The following RAB3GAP1 variants were observed in gnomAD, a reference collection of about 807,000 sequenced individuals.
The protein encoded by RAB3GAP1 is rab3 GTPase-activating protein catalytic subunit.
Under a neutral mutation model 130.7 loss-of-function variants are expected in RAB3GAP1, and 86 were observed. That is an observed-to-expected ratio of 0.66 (90% confidence interval 0.55 to 0.79). The LOEUF (loss-of-function observed/expected upper bound fraction) is 0.79. Among genes scored for constraint, RAB3GAP1 ranks in the 30% least tolerant of loss-of-function variants. The pLI, the probability that RAB3GAP1 is intolerant of heterozygous loss-of-function variation, is 0.00. For synonymous variants in RAB3GAP1, 367 were observed against 401.7 expected, an observed-to-expected ratio of 0.91 and a Z score of 1.03; for missense variants, 1,029 against 1,169.4, an observed-to-expected ratio of 0.88 and a Z score of 1.75.
At chr2:135,085,599 T>G (rs1436998374) in intron 3 of RAB3GAP1, among the ~76,000 whole-genome samples, 1 of 152,158 alleles carries the variant, frequency 6.6e-6, no homozygotes, top group East Asian at 1.9e-4. Context: ...GAAAGATAAG[T>G]GGAAAGGATG....
At chr2:135,165,346 T>C (rs1692606793) in intron 23 of RAB3GAP1, among the ~76,000 whole-genome samples, 1 of 152,228 alleles carries the variant, frequency 6.6e-6, no homozygotes, top group African/African-American at 2.4e-5. Flanking sequence ...AGTTCAGGGC[T>C]CATTAATATT....
At chr2:135,130,505 G>C in intron 12 of RAB3GAP1, 47 bp from the exon 13 acceptor site, 1 of 1,481,292 alleles carries the variant, frequency 6.8e-7, no homozygotes, top group Non-Finnish European at 9.4e-7. Flanking sequence ...ACTTTCACCT[G>C]CTGAGGTTGG....
At chr2:135,167,486 GAGT>G (rs1328829025) in intron 23 of RAB3GAP1, among the ~76,000 whole-genome samples, 1 of 151,994 alleles carries the variant, frequency 6.6e-6, no homozygotes, top group Non-Finnish European at 1.5e-5. Context: ...ATGGATGCAT[GAGT>G]AGTAGTAGAT....
chr2:135,149,033 G>T (rs1558799902), intron 17 of RAB3GAP1, among the ~76,000 whole-genome samples: 2 of 152,160 alleles, frequency 1.3e-5, no homozygotes, highest in South Asian at 4.1e-4. Context: ...ATGTGAAAAT[G>T]TATGGCCCAC....
intron 19 of RAB3GAP1, among the ~76,000 whole-genome samples, chr2:135,156,316 G>A (rs574215642): frequency 6.6e-6 from 1 of 152,186 alleles, no homozygotes; most frequent in Admixed American, 6.5e-5. Flanking sequence ...ATAATTGGAG[G>A]AAATTTTCCA....
At chr2:135,067,699 ATTAT>A (rs1239081583) in intron 3 of RAB3GAP1, among the ~76,000 whole-genome samples, 1 of 152,102 alleles carries the variant, frequency 6.6e-6, no homozygotes, top group Admixed American at 6.5e-5. Context: ...ACTGTTAGTC[ATTAT>A]TTATTGTTTT....
At chr2:135,129,950 T>C in intron 11 of RAB3GAP1, 45 bp from the exon 12 acceptor site, 5 of 1,243,692 alleles carry the variant, frequency 4.0e-6, no homozygotes, top group Non-Finnish European at 5.9e-6. Flanking sequence ...ACTGATTTTT[T>C]TTTTTTTCAG....
chr2:135,052,292 C>T lies in RAB3GAP1; in HGVS notation c.-16C>T, dbSNP rs567971363. Reference sequence around the variant, plus strand: ...TCTTCCCGGCAGCCTTAGCGCCAGGCCCGGCGCTCCTCAAGATGGCTGCCG... The same window carrying T: ...TCTTCCCGGCAGCCTTAGCGCCAGGTCCGGCGCTCCTCAAGATGGCTGCCG... On this transcript the variant is annotated 5_prime_UTR_variant, in exon 1 of 24. Transcript: ENST00000264158. 3.2e-5 allele frequency: 52 copies of T among 1,613,174 alleles called. No individual in the cohort carries two copies. In the South Asian group the frequency reaches 4.6e-4, roughly 14 times the overall value.
chr2:135,057,714 A>G (rs995873899), intron 2 of RAB3GAP1, among the ~76,000 whole-genome samples: 1 of 152,150 alleles, frequency 6.6e-6, no homozygotes, highest in Non-Finnish European at 1.5e-5. Context: ...TTGTGCCCCA[A>G]ATTTGTTTTA....
intron 5 of RAB3GAP1, among the ~76,000 whole-genome samples, chr2:135,099,431 C>CTGTGTGTG (rs141856311): frequency 9.1e-5 from 13 of 142,594 alleles, no homozygotes; most frequent in East Asian, 8.1e-4. Context: ...ATTTGTATTT[C>CTGTGTGTG]TGTGTGTGTG....
chr2:135,095,050 A>G (rs1250376073), intron 5 of RAB3GAP1, among the ~76,000 whole-genome samples: 1 of 152,104 alleles, frequency 6.6e-6, no homozygotes, highest in Non-Finnish European at 1.5e-5. Context: ...CCTTTCTGCA[A>G]GCAGGCTTTT....
At chr2:135,173,428 C>CA (rs910648302), downstream of RAB3GAP1, among the ~76,000 whole-genome samples, 6 of 152,044 alleles carry the variant, frequency 3.9e-5, no homozygotes, top group African/African-American at 1.4e-4. Context: ...TAAGAAAAAA[C>CA]ATACTTCAAG....
Position 135,127,149 on chromosome 2 carries a change from A to G in RAB3GAP1, c.973+493A>G, listed in dbSNP as rs536742434. On this transcript the variant is annotated intron_variant, in intron 11 of 23. Transcript: ENST00000264158. ...CTCGGCCTCCCAAAGTGCTGAGATT[A>G]CAGGCATGAGCCACCGCGCGGCCTT... Among the ~76,000 whole-genome samples, 133 of 149,192 alleles carry G rather than the reference A, an allele frequency of 8.9e-4. 1 individual carries two copies. Among genetic ancestry groups the G allele is most frequent in the African/African-American group, 2.9e-3 (119 of 40,636 alleles).
rs564428098 is a variant in RAB3GAP1, at chr2:135,063,109, A to G, written c.150+5023A>G. Among the ~76,000 whole-genome samples, 6 of 152,312 alleles carry G rather than the reference A, an allele frequency of 3.9e-5. No individual in the cohort carries two copies. The East Asian group carries it at 7.7e-4, about 20-fold the overall frequency. On this transcript the variant is annotated intron_variant, in intron 3 of 23. Coordinates refer to ENST00000264158, the MANE Select transcript of RAB3GAP1 (RefSeq NM_012233.3). The stretch of plus-strand genomic sequence containing the variant: ...AATGTGAAGTGGGGGGAAATGTTCA[A>G]TGCTTCAAAACTTAAGTTAACTGTA...
chr2:135,118,516 G>A (rs1317281571), intron 7 of RAB3GAP1, among the ~76,000 whole-genome samples: 2 of 151,818 alleles, frequency 1.3e-5, no homozygotes, highest in African/African-American at 4.8e-5. Context: ...TACATTTTAT[G>A]GTATTATATC....
Position 135,105,734 on chromosome 2 carries a change from T to G in RAB3GAP1, c.363-7417T>G, listed in dbSNP as rs541398555. Among the ~76,000 whole-genome samples the G allele has an allele frequency of 6.1e-5, 9 of 146,950 alleles. No homozygotes were observed. In the South Asian group the frequency reaches 2.0e-3, roughly 33 times the overall value. ...GGAGCCCCTCTGCCTGGCTGCCCAG[T>G]CTGGGAAGTGAGGAGCGCCTCTTCC... On this transcript the variant is annotated intron_variant, in intron 5 of 23. Coordinates refer to ENST00000264158, the MANE Select transcript of RAB3GAP1 (RefSeq NM_012233.3).
At chr2:135,121,161 T>A (rs1403299969) in intron 8 of RAB3GAP1, among the ~76,000 whole-genome samples, 1 of 152,174 alleles carries the variant, frequency 6.6e-6, no homozygotes, top group Non-Finnish European at 1.5e-5. Flanking sequence ...GCCTTATTTA[T>A]AAGGCACCCC....
chr2:135,054,879 G>A (rs1394676934), intron 2 of RAB3GAP1, among the ~76,000 whole-genome samples: 1 of 152,194 alleles, frequency 6.6e-6, no homozygotes, highest in Non-Finnish European at 1.5e-5. Flanking sequence ...TTAAGACTTT[G>A]AAGTCTCAAA....
At chr2:135,120,654 T>C (rs1691168683) in intron 7 of RAB3GAP1, among the ~76,000 whole-genome samples, 165 bp from the exon 8 acceptor site, 1 of 152,242 alleles carries the variant, frequency 6.6e-6, no homozygotes, top group African/African-American at 2.4e-5. Flanking sequence ...ATATCATGTT[T>C]TTAATAACTA....
Sources: gnomAD v4.1 joint callset for allele counts (sites outside exome capture counted in the v4.1 genomes callset) on GRCh38, gnomAD v4.1.1 for gene constraint, MANE v1.5 for transcripts, NCBI Gene and HGNC (gene_info 2026-07-23, HGNC 2026-07-21) for gene names.